The following HS3ST5 variants were observed in gnomAD, a reference collection of about 807,000 sequenced individuals.
HS3ST5 encodes the protein heparan sulfate glucosamine 3-O-sulfotransferase 5.
A neutral mutation model predicts 25.4 loss-of-function variants in HS3ST5; 10 were observed. The ratio of observed to expected loss-of-function variants is 0.39; its 90% CI spans 0.24 to 0.67. The LOEUF is 0.67. Among genes scored for constraint, HS3ST5 ranks in the 30% least tolerant of loss-of-function variants. The probability of loss-of-function intolerance (pLI) is 0.44; values close to 1 mark genes in which losing one functional copy is unlikely to be tolerated. For synonymous variants in HS3ST5, 170 were observed against 162.4 expected (o/e 1.05, Z -0.36); for missense variants, 324 against 420.7 (o/e 0.77, Z 2.01).
At chr6:114,207,620 C>T (rs1379173022) in intron 2 of HS3ST5, among the ~76,000 whole-genome samples, 1 of 151,762 alleles carries the variant, frequency 6.6e-6, no homozygotes, top group Non-Finnish European at 1.5e-5. Flanking sequence ...GGCTCTCTCT[C>T]TCACTCTCTC....
At chr6:114,296,264 TGC>T (rs972039938) in intron 1 of HS3ST5, among the ~76,000 whole-genome samples, 1 of 152,200 alleles carries the variant, frequency 6.6e-6, no homozygotes, top group Non-Finnish European at 1.5e-5. Context: ...ATTTATAGAA[TGC>T]CACGTCATAG....
intron 1 of HS3ST5, among the ~76,000 whole-genome samples, chr6:114,294,136 A>G (rs1420981621): frequency 2.0e-5 from 3 of 152,176 alleles, no homozygotes; most frequent in Non-Finnish European, 4.4e-5. Context: ...GGAAATTTGG[A>G]ATGTTTCAGA....
intron 3 of HS3ST5, among the ~76,000 whole-genome samples, chr6:114,093,409 T>C (rs1775245775): frequency 1.3e-5 from 2 of 150,632 alleles, no homozygotes; most frequent in South Asian, 4.2e-4. Context: ...CTGGATGTTT[T>C]CTGTCTGCCC....
At chr6:114,163,062 A>G (rs1378030567) in intron 3 of HS3ST5, among the ~76,000 whole-genome samples, 2 of 152,176 alleles carry the variant, frequency 1.3e-5, no homozygotes, top group Non-Finnish European at 2.9e-5. Flanking sequence ...TGAATGCAAA[A>G]TGCTGTTCTA....
At chr6:114,314,106 T>G (rs955333852) in intron 1 of HS3ST5, among the ~76,000 whole-genome samples, 1 of 152,176 alleles carries the variant, frequency 6.6e-6, no homozygotes, top group Admixed American at 6.5e-5. Flanking sequence ...TTTGTATTTC[T>G]TTGTAGAGAT....
chr6:114,320,225 AG>A (rs1775909295), intron 1 of HS3ST5, among the ~76,000 whole-genome samples: 1 of 152,112 alleles, frequency 6.6e-6, no homozygotes, highest in African/African-American at 2.4e-5. Context: ...ACTGAGACTC[AG>A]GTCGAATTAG....
intron 2 of HS3ST5, among the ~76,000 whole-genome samples, chr6:114,176,706 A>G (rs1253295135): frequency 6.6e-6 from 1 of 152,168 alleles, no homozygotes; most frequent in African/African-American, 2.4e-5. Flanking sequence ...TCTTCACCCC[A>G]CGCTATCCCC....
At chr6:114,288,929 G>A (rs752490639) in intron 1 of HS3ST5, among the ~76,000 whole-genome samples, 22 of 152,008 alleles carry the variant, frequency 1.4e-4, no homozygotes, top group South Asian at 6.2e-4. Context: ...TGTAGCTCCC[G>A]AAGAACACAG....
At chr6:114,113,919 A>T (rs1776395224) in intron 3 of HS3ST5, among the ~76,000 whole-genome samples, 1 of 152,076 alleles carries the variant, frequency 6.6e-6, no homozygotes, top group African/African-American at 2.4e-5. Flanking sequence ...ATCATTAGAA[A>T]TCAGGCTGGC....
At chr6:114,292,164 G>A (rs1180724288) in intron 1 of HS3ST5, among the ~76,000 whole-genome samples, 1 of 152,144 alleles carries the variant, frequency 6.6e-6, no homozygotes, top group Non-Finnish European at 1.5e-5. Context: ...GTAGCCCTTT[G>A]TAGACAATAG....
intron 1 of HS3ST5, among the ~76,000 whole-genome samples, chr6:114,321,779 T>A (rs1283135170): frequency 6.6e-6 from 1 of 152,156 alleles, no homozygotes; most frequent in Non-Finnish European, 1.5e-5. Flanking sequence ...CACATATATC[T>A]GTGTCTGGCA....
At chr6:114,065,453 C>T (rs903036818) in intron 3 of HS3ST5, among the ~76,000 whole-genome samples, 1 of 152,138 alleles carries the variant, frequency 6.6e-6, no homozygotes, top group Non-Finnish European at 1.5e-5. Context: ...GTGTTCAAGT[C>T]CCCCAATTAA....
intron 1 of HS3ST5, among the ~76,000 whole-genome samples, chr6:114,259,433 C>A (rs1381464091): frequency 6.6e-6 from 1 of 152,154 alleles, no homozygotes; most frequent in Non-Finnish European, 1.5e-5. Flanking sequence ...ACTGTAAATA[C>A]ATAACACAGG....
chr6:114,193,355 A>C (rs1780593666), intron 2 of HS3ST5, among the ~76,000 whole-genome samples: 2 of 152,202 alleles, frequency 1.3e-5, no homozygotes, highest in South Asian at 4.1e-4. Flanking sequence ...CCATATTTTG[A>C]AGGATATGTA....
At chr6:114,125,271 A>T (rs9488328) in intron 3 of HS3ST5, among the ~76,000 whole-genome samples, 21,543 of 152,168 alleles carry the variant, frequency 0.14, 1,570 homozygotes, top group Middle Eastern at 0.22. Context: ...ATACAACTTA[A>T]AAACTTTTAT....
rs185046074 is a variant in HS3ST5, at chr6:114,273,670, A to G, written c.-338-44892T>C. Among the ~76,000 whole-genome samples the G allele has an allele frequency of 2.8e-3, 427 of 152,052 alleles. 1 individual carries two copies. The highest frequency in any genetic ancestry group is 6.8e-3 in the Admixed American group (104 of 15,278). On this transcript the variant is annotated intron_variant, in intron 1 of 4. Coordinates refer to ENST00000312719, the MANE Select transcript of HS3ST5 (RefSeq NM_153612.4). ...TCAAGTGCAAACAAAAAGTGTTTCA[A>G]GAAAAATGGAGTAACTGATTGTGTC...
At chr6:114,110,654 T>C (rs1162431551) in intron 3 of HS3ST5, among the ~76,000 whole-genome samples, 1 of 152,154 alleles carries the variant, frequency 6.6e-6, no homozygotes, top group African/African-American at 2.4e-5. Flanking sequence ...ATAGGATATT[T>C]AGAAAATTGA....
At chr6:114,213,588 T>G (rs925516249) in intron 2 of HS3ST5, among the ~76,000 whole-genome samples, 3 of 152,128 alleles carry the variant, frequency 2.0e-5, no homozygotes, top group African/African-American at 7.2e-5. Context: ...GCTTCCTCCC[T>G]TTTCTTTGTA....
chr6:114,311,109 T>C lies in HS3ST5; in HGVS notation c.-339+31086A>G, dbSNP rs141268054. On this transcript the variant is annotated intron_variant, in intron 1 of 4. Transcript: ENST00000312719. ...ATTATACCTACCAGGCTCTTAATCA[T>C]AGCACTGTTAATAATGACAAAAATA... 3.1e-3 allele frequency among the ~76,000 whole-genome samples: 466 copies of C among 152,258 alleles called. 1 individual carries two copies. Among genetic ancestry groups the C allele is most frequent in the African/African-American group, 0.011 (440 of 41,558 alleles).
Sources: allele counts gnomAD v4.1 joint callset (sites outside exome capture counted in the v4.1 genomes callset), GRCh38; gene constraint gnomAD v4.1.1; transcripts MANE v1.5; gene names NCBI Gene and HGNC (gene_info 2026-07-23, HGNC 2026-07-21).